Variants in SHISA7 observed in about 807,000 individuals in gnomAD.
The protein encoded by SHISA7 is shisa family member 7, also known as protein shisa-7.
SHISA7 carries 6 observed loss-of-function variants against 23.9 expected under a neutral mutation model. That is an observed-to-expected ratio of 0.25 (90% CI 0.14 to 0.50). The LOEUF is 0.50. Ranked by LOEUF, SHISA7 falls within the 20% of genes least tolerant of loss-of-function variation. The probability of loss-of-function intolerance (pLI) is 0.98; values close to 1 mark genes in which losing one functional copy is unlikely to be tolerated. For missense variants in SHISA7, 671 were observed against 801.1 expected (o/e 0.84, Z 1.96); for synonymous variants, 386 against 398.3 (o/e 0.97, Z 0.37).
In SHISA7 at chr19:55,437,716, AGTG is replaced by A. The variant is rs1432848621; in HGVS notation, c.862_864del (p.His288del). 1 of 1,551,122 alleles carries A rather than the reference AGTG, an allele frequency of 6.4e-7. No homozygotes were observed. Among genetic ancestry groups the A allele is most frequent in the East Asian group, 2.4e-5 (1 of 40,908 alleles). ...GACCGAGAGCAGGACAGCGTGGAGT[AGTG>A]CAAGGAGGGGCTGGGCGGCGGCAAG... On this transcript the variant is annotated inframe_deletion, in exon 3 of 4. Coordinates refer to ENST00000376325, the MANE Select transcript of SHISA7 (RefSeq NM_001145176.2).
rs35561645 is a variant in SHISA7 at position 55,436,603 on chromosome 19, CAA to C, written c.976+1000_976+1001del. ...GAGCGACAAGAGTGAGACTCTGTCTCAAAAAAAAAAAAAAAAAGTTTCTGGCT... is the reference window on the plus strand; with the variant it reads ...GAGCGACAAGAGTGAGACTCTGTCTCAAAAAAAAAAAAAAAGTTTCTGGCT... On this transcript the variant is annotated intron_variant, in intron 3 of 3. Transcript: ENST00000376325. Among the ~76,000 whole-genome samples, 50 of 114,592 alleles carry C rather than the reference CAA, an allele frequency of 4.4e-4. No homozygotes were observed. The South Asian group carries it at 4.8e-3, about 11-fold the overall frequency. The allele number at this position is 114,592 out of a possible 152,430, so 75.2% of individuals were successfully genotyped here. A position where few individuals can be genotyped will look rare whatever the true frequency, so the allele number is the denominator to read the frequency against.
At position 55,437,602 on chromosome 19, in the gene SHISA7, C is replaced by T. The variant is rs1419109236; in HGVS notation, c.976+3G>A. 3 of 1,550,886 alleles carry T rather than the reference C, an allele frequency of 1.9e-6. No individual in the cohort carries two copies. Among genetic ancestry groups the T allele is most frequent in the Non-Finnish European group, 2.6e-6 (3 of 1,146,580 alleles). ...CCGCCGCGCTGCCCTTGCCAGGACT[C>T]ACCCAGCCTCTTGAGGGAAGAGTAG... On this transcript the variant is annotated splice_donor_region_variant and intron_variant, in intron 3 of 3. Transcript: ENST00000376325.
In SHISA7 at chr19:55,433,107, T is replaced by C; in HGVS notation, c.*49A>G. On this transcript the variant is annotated 3_prime_UTR_variant, in exon 4 of 4. Transcript: ENST00000376325. The surrounding 1 kb of genome is among the most constrained non-coding windows in gnomAD (Gnocchi z 8.4). The stretch of plus-strand genomic sequence containing the variant: ...TGCGCCTGTGTCGGGGGATCCAGGC[T>C]GGGACGGGGGGCCCGGGAGGCCGCA... 6.7e-7 allele frequency: 1 copy of C among 1,487,668 alleles called. No individual in the cohort carries two copies. Among genetic ancestry groups the C allele is most frequent in the Non-Finnish European group, 8.9e-7 (1 of 1,125,654 alleles). 92.2% of individuals were successfully genotyped at this position (1,487,668 alleles called of 1,614,324 possible).
At chr19:55,434,096 C>CA (rs1321990628) in intron 3 of SHISA7, among the ~76,000 whole-genome samples, 1 of 152,284 alleles carries the variant, frequency 6.6e-6, no homozygotes, top group African/African-American at 2.4e-5. Context: ...CAATGTGATT[C>CA]ACACTTGGAG....
chr19:55,442,889 C>T lies in SHISA7; in HGVS notation c.-26G>A. 7.7e-7 allele frequency: 1 copy of T among 1,293,404 alleles called. No homozygotes were observed. The highest frequency in any genetic ancestry group is 9.8e-7 in the Non-Finnish European group (1 of 1,021,738). The allele number at this position is 1,293,404 out of a possible 1,614,324, so 80.1% of individuals were successfully genotyped here. A position where few individuals can be genotyped will look rare whatever the true frequency, so the allele number is the denominator to read the frequency against. On this transcript the variant is annotated 5_prime_UTR_variant, in exon 1 of 4. Coordinates refer to ENST00000376325, the MANE Select transcript of SHISA7 (RefSeq NM_001145176.2). ...GGGGCTTGCAGGGGGTCGCACTGGGCCGCCAGGCTGCGGGGAGAACGAGAG... is the reference window on the plus strand; with the variant it reads ...GGGGCTTGCAGGGGGTCGCACTGGGTCGCCAGGCTGCGGGGAGAACGAGAG...
At position 55,428,965 on chromosome 19, in the gene SHISA7, C is replaced by CTG. The variant is rs144477926; in HGVS notation, c.*4189_*4190dup. The CTG allele has an allele frequency of 6.6e-6, 1 of 152,334 alleles. No homozygotes were observed. Among genetic ancestry groups the CTG allele is most frequent in the Non-Finnish European group, 1.5e-5 (1 of 68,180 alleles). 9.4% of individuals were successfully genotyped at this position (152,334 alleles called of 1,614,324 possible). On this transcript the variant is annotated 3_prime_UTR_variant, in exon 4 of 4. Coordinates refer to ENST00000376325, the MANE Select transcript of SHISA7 (RefSeq NM_001145176.2). ...CTCCCCCAACCAGACGGGGAGATGC[C>CTG]TGTGTGTGTGTGCTTGTGTATGCAT... is the stretch of plus-strand genomic sequence containing the variant.
At chr19:55,434,439 T>G (rs1378647763) in intron 3 of SHISA7, among the ~76,000 whole-genome samples, 1 of 132,200 alleles carries the variant, frequency 7.6e-6, no homozygotes, top group Non-Finnish European at 1.6e-5. Flanking sequence ...GTGTGTGGTG[T>G]GTGTGTGTGG....
At position 55,442,414 on chromosome 19, in the gene SHISA7, AGCGCCCCCG is replaced by A. The variant is rs993854760; in HGVS notation, c.441_449del (p.Ala153_Gly155del). On this transcript the variant is annotated inframe_deletion, in exon 1 of 4. Transcript: ENST00000376325. ...GCCCTGGCCCCCCGCCCGCACCCCC[AGCGCCCCCG>A]GCGCCCCCAGCTAGCGGCGGCGGCG... 50 of 1,395,308 alleles carry A rather than the reference AGCGCCCCCG, an allele frequency of 3.6e-5. No individual in the cohort carries two copies. Among genetic ancestry groups the A allele is most frequent in the Non-Finnish European group, 4.2e-5 (45 of 1,072,888 alleles). The allele number at this position is 1,395,308 out of a possible 1,614,324, so 86.4% of individuals were successfully genotyped here. A position where few individuals can be genotyped will look rare whatever the true frequency, so the allele number is the denominator to read the frequency against.
rs1985620530 is a variant in SHISA7 at position 55,442,447 on chromosome 19, C to T, written c.417G>A (p.Thr139=). The T allele has an allele frequency of 2.1e-6, 3 of 1,425,944 alleles. No individual in the cohort carries two copies. Among genetic ancestry groups the T allele is most frequent in the South Asian group, 1.3e-5 (1 of 74,108 alleles). 88.3% of individuals were successfully genotyped at this position (1,425,944 alleles called of 1,614,324 possible). Residue 139 remains threonine, a synonymous_variant, in exon 1 of 4, where the codon ACG becomes ACA. Coordinates refer to ENST00000376325, the MANE Select transcript of SHISA7 (RefSeq NM_001145176.2). ...SNYDTPRWAT[T]PPPLAGGAGG... is the part of the protein sequence containing the mutation. ...CGGCGCCCCCAGCTAGCGGCGGCGG[C>T]GTGGTGGCCCAGCGCGGCGTGTCGT... is the stretch of plus-strand genomic sequence containing the variant.
Position 55,442,397 on chromosome 19 carries a change from C to T in SHISA7, c.467G>A (p.Gly156Glu), listed in dbSNP as rs1454254762. ...GAGGAGGAGGGPGPGQAGWLE... is the reference protein window; with the variant it reads ...GAGGAGGAGGEPGPGQAGWLE... ...CCACCCGGCCTGGCCGGGCCCTGGC[C>T]CCCCGCCCGCACCCCCAGCGCCCCC... The change falls in exon 1 of 4, where the codon GGG (glycine) becomes GAG (glutamate). Residue 156 changes from glycine (G) to glutamate (E), a missense_variant. Around this residue, in one of 5 missense-constraint regions of SHISA7, gnomAD observed 59 missense variants for 57.2 expected, o/e 1.03. Transcript: ENST00000376325. The T allele has an allele frequency of 5.8e-6, 8 of 1,368,532 alleles. No homozygotes were observed. Among genetic ancestry groups the T allele is most frequent in the Non-Finnish European group, 7.5e-6 (8 of 1,065,778 alleles). The allele number at this position is 1,368,532 out of a possible 1,614,324, so 84.8% of individuals were successfully genotyped here. A position where few individuals can be genotyped will look rare whatever the true frequency, so the allele number is the denominator to read the frequency against.
chr19:55,436,632 G>C (rs949798100), intron 3 of SHISA7, among the ~76,000 whole-genome samples: 4 of 151,908 alleles, frequency 2.6e-5, no homozygotes, highest in Non-Finnish European at 5.9e-5. Context: ...TTTCTGGCTG[G>C]GTATGGTGGG....
Position 55,429,049 on chromosome 19 carries a change from A to G in SHISA7, c.*4107T>C, listed in dbSNP as rs1985102810. On this transcript the variant is annotated 3_prime_UTR_variant, in exon 4 of 4. Transcript: ENST00000376325. Reference sequence around the variant, plus strand: ...GGGAAGTCTCAGATGACGAGGTCCCAGCTCAAGACATGTGGAGGGGAATTG... The same window carrying G: ...GGGAAGTCTCAGATGACGAGGTCCCGGCTCAAGACATGTGGAGGGGAATTG... 6.6e-6 allele frequency: 1 copy of G among 152,412 alleles called. No individual in the cohort carries two copies. The highest frequency in any genetic ancestry group is 6.5e-5 in the Admixed American group (1 of 15,274). The allele number at this position is 152,412 out of a possible 1,614,324, so 9.4% of individuals were successfully genotyped here. A position where few individuals can be genotyped will look rare whatever the true frequency, so the allele number is the denominator to read the frequency against.
chr19:55,435,796 T>C (rs907763788), intron 3 of SHISA7, among the ~76,000 whole-genome samples: 1 of 142,348 alleles, frequency 7.0e-6, no homozygotes, highest in Admixed American at 7.0e-5. Flanking sequence ...CACCAAAAAG[T>C]GGGGTGGAGG....
At chr19:55,435,205 G>T (rs1028151392) in intron 3 of SHISA7, among the ~76,000 whole-genome samples, 2 of 130,892 alleles carry the variant, frequency 1.5e-5, no homozygotes, top group Admixed American at 1.6e-4. Flanking sequence ...TGTGTGTGTG[G>T]TGTGTGTATG....
In SHISA7 at chr19:55,440,721, C is replaced by G. The variant is rs1985581359; in HGVS notation, c.716G>C (p.Arg239Pro). 1 of 1,247,882 alleles carries G rather than the reference C, an allele frequency of 8.0e-7. No individual in the cohort carries two copies. Among genetic ancestry groups the G allele is most frequent in the Admixed American group, 4.2e-5 (1 of 23,742 alleles). The allele number at this position is 1,247,882 out of a possible 1,614,324, so 77.3% of individuals were successfully genotyped here. The stretch of plus-strand genomic sequence containing the variant: ...GGAGCTGCTTCGGGCCCGGTCCGGG[C>G]GGGTCCCAGGCCCCGCCTGATGTCT... Reference protein sequence around the residue: ...ILRHQAGPGTRPDRARSSSLT... With the variant: ...ILRHQAGPGTPPDRARSSSLT... The change falls in exon 2 of 4, where the codon CGC becomes CCC. Residue 239 changes from arginine to proline, a missense_variant. Around this residue, in one of 5 missense-constraint regions of SHISA7, gnomAD observed 457 missense variants for 488.3 expected, o/e 0.94. Transcript: ENST00000376325.
Position 55,434,840 on chromosome 19 carries a change from T to TGTGTGTGCGTGTGTGTATATGTG in SHISA7, c.977-1045_977-1044insCACATATACACACACGCACACAC, listed in dbSNP as rs1568450620. Among the ~76,000 whole-genome samples the TGTGTGTGCGTGTGTGTATATGTG allele has an allele frequency of 1.2e-3, 63 of 51,914 alleles. 1 individual carries two copies. The highest frequency in any genetic ancestry group is 4.3e-3 in the African/African-American group (55 of 12,756). The allele number at this position is 51,914 out of a possible 152,430, so 34.1% of individuals were successfully genotyped here. On this transcript the variant is annotated intron_variant, in intron 3 of 3. Transcript: ENST00000376325. Reference sequence around the variant, plus strand: ...GTGTGTATGTGTGTGTGGTGTGTGGTGTGTGTGTGCGTGTGTGTATATGTG... The same window carrying TGTGTGTGCGTGTGTGTATATGTG: ...GTGTGTATGTGTGTGTGGTGTGTGGTGTGTGTGCGTGTGTGTATATGTGGTGTGTGTGCGTGTGTGTATATGTG...
intron 3 of SHISA7, among the ~76,000 whole-genome samples, chr19:55,436,620 A>C (rs2123352941): frequency 6.6e-6 from 1 of 150,496 alleles, no homozygotes; most frequent in African/African-American, 2.5e-5. Flanking sequence ...AAAAAAAAAA[A>C]GTTTCTGGCT....
Position 55,429,568 on chromosome 19 carries a change from G to GC in SHISA7, c.*3587dup, listed in dbSNP as rs1244989804. The GC allele has an allele frequency of 1.3e-5, 2 of 152,210 alleles. No homozygotes were observed. Among genetic ancestry groups the GC allele is most frequent in the African/African-American group, 4.8e-5 (2 of 41,390 alleles). The allele number at this position is 152,210 out of a possible 1,614,324, so 9.4% of individuals were successfully genotyped here. On this transcript the variant is annotated 3_prime_UTR_variant, in exon 4 of 4. Coordinates refer to ENST00000376325, the MANE Select transcript of SHISA7 (RefSeq NM_001145176.2). ...CTCCTGACAAGAAGGAGTGTGAGGTGCCAGTGTTTGCGGGGAGACATAAGA... is the reference window on the plus strand; with the variant it reads ...CTCCTGACAAGAAGGAGTGTGAGGTGCCCAGTGTTTGCGGGGAGACATAAGA...
chr19:55,434,263 CGTGTGT>C (rs138123586), intron 3 of SHISA7, among the ~76,000 whole-genome samples: 1 of 149,668 alleles, frequency 6.7e-6, no homozygotes, highest in Non-Finnish European at 1.5e-5. Context: ...ACTGCAGACG[CGTGTGT>C]GTGTGTGTGG....
Sources: gnomAD v4.1 joint callset for allele counts (sites outside exome capture counted in the v4.1 genomes callset) on GRCh38, gnomAD v4.1.1 for gene constraint, gnomAD v4.1.1 regional missense constraint, Gnocchi (gnomAD v3.1) non-coding constraint, MANE v1.5 for transcripts, NCBI Gene and HGNC (gene_info 2026-07-23, HGNC 2026-07-21) for gene names.